Variants in ABCA13 observed in about 807,000 individuals in gnomAD.
ABCA13 encodes the protein ATP-binding cassette sub-family A member 13.
Under a neutral mutation model 478.7 loss-of-function variants are expected in ABCA13, and 476 were observed. The ratio of observed to expected loss-of-function variants is 0.99; its 90% CI spans 0.92 to 1.07. The LOEUF (loss-of-function observed/expected upper bound fraction) is 1.07. Ranked by LOEUF, ABCA13 falls within the 50% of genes least tolerant of loss-of-function variation. ABCA13 has a pLI of 0.00. For synonymous variants in ABCA13, 2,252 were observed against 2,158.9 expected, an observed-to-expected ratio of 1.04 and a Z score of -1.20; for missense variants, 6,060 against 5,910.6, an observed-to-expected ratio of 1.03 and a Z score of -0.83.
chr7:48,299,953 A>G (rs1799921237), intron 23 of ABCA13, among the ~76,000 whole-genome samples: 1 of 152,190 alleles, frequency 6.6e-6, no homozygotes, highest in Non-Finnish European at 1.5e-5. Context: ...AGTAATTGGG[A>G]GGAGTATTTA....
At chr7:48,171,679 G>T in intron 1 of ABCA13, 127 bp downstream of exon 1, 1 of 1,069,750 alleles carries the variant, frequency 9.3e-7, no homozygotes, top group Non-Finnish European at 1.4e-6. Flanking sequence ...AATTTGGGGA[G>T]GTTGGATTAT....
chr7:48,259,940 G>A (rs968152593), intron 15 of ABCA13, among the ~76,000 whole-genome samples: 5 of 151,974 alleles, frequency 3.3e-5, no homozygotes, highest in Non-Finnish European at 5.9e-5. Context: ...AATTCTTATA[G>A]TGTGTTTTTC....
intron 5 of ABCA13, among the ~76,000 whole-genome samples, chr7:48,225,411 G>C (rs956826408): frequency 6.6e-6 from 1 of 152,044 alleles, no homozygotes. Context: ...GAAAAACAAG[G>C]TCATTCTTGA....
chr7:48,320,962 G>T (rs1803359818), intron 27 of ABCA13, among the ~76,000 whole-genome samples: 2 of 152,152 alleles, frequency 1.3e-5, no homozygotes, highest in African/African-American at 4.8e-5. Context: ...TCAGAAAATA[G>T]TAAACCAATG....
intron 55 of ABCA13, among the ~76,000 whole-genome samples, chr7:48,560,730 A>G (rs941530139): frequency 2.6e-5 from 4 of 152,236 alleles, no homozygotes; most frequent in Non-Finnish European, 5.9e-5. Context: ...CTTTCTAGCA[A>G]TATTGAAATG....
intron 3 of ABCA13, among the ~76,000 whole-genome samples, chr7:48,207,982 G>A (rs1045462921): frequency 6.6e-6 from 1 of 151,760 alleles, no homozygotes; most frequent in African/African-American, 2.4e-5. Flanking sequence ...TTTTAATATG[G>A]CAAGAGATAG....
intron 55 of ABCA13, among the ~76,000 whole-genome samples, chr7:48,536,856 C>T (rs1438191540): frequency 6.6e-6 from 1 of 151,554 alleles, no homozygotes; most frequent in Non-Finnish European, 1.5e-5. Context: ...ATTTATTATT[C>T]ATAAGAAAAA....
At chr7:48,479,114 A>AT (rs764443179) in intron 45 of ABCA13, among the ~76,000 whole-genome samples, 27 of 149,610 alleles carry the variant, frequency 1.8e-4, no homozygotes, top group Middle Eastern at 3.5e-3. Context: ...CGCCCGGCTA[A>AT]TTTTTTTTTG....
At chr7:48,252,342 C>A (rs551418387) in intron 15 of ABCA13, among the ~76,000 whole-genome samples, 1 of 152,258 alleles carries the variant, frequency 6.6e-6, no homozygotes, top group African/African-American at 2.4e-5. Context: ...TAAATACAGC[C>A]ATGCATCACT....
At chr7:48,566,112 G>C (rs1024175273) in intron 55 of ABCA13, among the ~76,000 whole-genome samples, 3 of 152,046 alleles carry the variant, frequency 2.0e-5, no homozygotes, top group African/African-American at 7.2e-5. Context: ...CTACTTTCAC[G>C]GTTTACAGAC....
At chr7:48,370,531 G>A (rs894899887) in intron 32 of ABCA13, among the ~76,000 whole-genome samples, 1 of 152,066 alleles carries the variant, frequency 6.6e-6, no homozygotes, top group Non-Finnish European at 1.5e-5. Context: ...CTGTGGGTTT[G>A]CCATATACGG....
chr7:48,415,645 A>G (rs1055249967), intron 41 of ABCA13, among the ~76,000 whole-genome samples: 9 of 152,186 alleles, frequency 5.9e-5, no homozygotes, highest in Non-Finnish European at 1.3e-4. Context: ...ACAAAAGAGA[A>G]ATCCTTGGTA....
intron 3 of ABCA13, among the ~76,000 whole-genome samples, chr7:48,216,337 C>T (rs899837360): frequency 6.6e-5 from 10 of 152,048 alleles, no homozygotes; most frequent in Admixed American, 3.3e-4. Context: ...ATTTCCCTAG[C>T]GGTTTATGAT....
intron 42 of ABCA13, among the ~76,000 whole-genome samples, chr7:48,428,181 A>C (rs1455337586): frequency 6.6e-6 from 1 of 152,166 alleles, no homozygotes; most frequent in Non-Finnish European, 1.5e-5. Flanking sequence ...TTTTACCTTC[A>C]TCACAAACAA....
At chr7:48,602,102 C>T (rs1040281539) in intron 58 of ABCA13, among the ~76,000 whole-genome samples, 11 of 151,944 alleles carry the variant, frequency 7.2e-5, no homozygotes, top group African/African-American at 2.7e-4. Flanking sequence ...TGTTTAAGTT[C>T]TTTGTAGATT....
chr7:48,411,049 T>TTCTTTCTTTTTC (rs1554499830), intron 40 of ABCA13, among the ~76,000 whole-genome samples: 21 of 64,970 alleles, frequency 3.2e-4, no homozygotes, highest in African/African-American at 9.8e-4. Context: ...CTTTCTTTCT[T>TTCTTTCTTTTTC]TTTCTTTCTT....
At chr7:48,491,420 A>C (rs907222684) in intron 48 of ABCA13, among the ~76,000 whole-genome samples, 3 of 152,162 alleles carry the variant, frequency 2.0e-5, no homozygotes, top group African/African-American at 7.2e-5. Flanking sequence ...AGGCCAGTGG[A>C]GGGCAGAATT....
chr7:48,451,129 C>G (rs1824974416), intron 42 of ABCA13, among the ~76,000 whole-genome samples: 1 of 151,740 alleles, frequency 6.6e-6, no homozygotes, highest in African/African-American at 2.4e-5. Context: ...TCCCAAGTAG[C>G]TGGGATTACA....
intron 42 of ABCA13, among the ~76,000 whole-genome samples, chr7:48,429,617 A>G (rs1198541363): frequency 7.2e-5 from 11 of 152,174 alleles, no homozygotes; most frequent in Non-Finnish European, 1.5e-4. Context: ...TCCATTATTA[A>G]AATTGGGCAG....
Sources: gnomAD v4.1 joint callset for allele counts (sites outside exome capture counted in the v4.1 genomes callset) on GRCh38, gnomAD v4.1.1 for gene constraint, MANE v1.5 for transcripts, NCBI Gene and HGNC (gene_info 2026-07-23, HGNC 2026-07-21) for gene names.